Variants in CNKSR3 observed in about 807,000 individuals in gnomAD.
The protein encoded by CNKSR3 is connector enhancer of kinase suppressor of ras 3.
A neutral mutation model predicts 67.7 loss-of-function variants in CNKSR3; 36 were observed. The ratio of observed to expected loss-of-function variants is 0.53; its 90% CI spans 0.41 to 0.70. The LOEUF (loss-of-function observed/expected upper bound fraction) is 0.70, where lower values mean the gene tolerates loss of function less well. Ranked by LOEUF, CNKSR3 falls within the 30% of genes least tolerant of loss-of-function variation. The pLI is 0.00. For synonymous variants in CNKSR3, 281 were observed against 271.4 expected (o/e 1.04, Z -0.35); for missense variants, 630 against 695.2 (o/e 0.91, Z 1.05).
chr6:154,458,040 T>C lies in CNKSR3; in HGVS notation c.53-7782A>G, dbSNP rs1483403012. Among the ~76,000 whole-genome samples, 4 of 152,348 alleles carry C rather than the reference T, an allele frequency of 2.6e-5. No individual in the cohort carries two copies. The South Asian group carries it at 8.3e-4, about 32-fold the overall frequency. Reference sequence around the variant, plus strand: ...CCTGTTTCTGCAAACAAAGTCTGAATGGAACACGGCCATGACTCCTTGGTT... The same window carrying C: ...CCTGTTTCTGCAAACAAAGTCTGAACGGAACACGGCCATGACTCCTTGGTT... On this transcript the variant is annotated intron_variant, in intron 1 of 12. Transcript: ENST00000607772.
chr6:154,462,755 T>C (rs987928176), intron 1 of CNKSR3, among the ~76,000 whole-genome samples: 4 of 152,214 alleles, frequency 2.6e-5, no homozygotes, highest in Admixed American at 6.5e-5. Flanking sequence ...CCACGGTATA[T>C]GAAGGAGCCC....
rs901041677 is a variant in CNKSR3, at chr6:154,414,501, C to T, written c.946-78G>A. 7 of 1,471,464 alleles carry T rather than the reference C, an allele frequency of 4.8e-6. No individual in the cohort carries two copies. The East Asian group carries it at 1.6e-4, about 34-fold the overall frequency. The allele number at this position is 1,471,464 out of a possible 1,614,324, so 91.2% of individuals were successfully genotyped here. A position where few individuals can be genotyped will look rare whatever the true frequency, so the allele number is the denominator to read the frequency against. On this transcript the variant is annotated intron_variant, in intron 9 of 12. Coordinates refer to ENST00000607772, the MANE Select transcript of CNKSR3 (RefSeq NM_173515.4). ...ATTCTTGGTGTTTATTTCCCCTCCC[C>T]CAAACCAACACCAACCCCGTGTCTG...
At chr6:154,435,482 G>A (rs760687781) in intron 4 of CNKSR3, among the ~76,000 whole-genome samples, 24 of 152,152 alleles carry the variant, frequency 1.6e-4, no homozygotes, top group Non-Finnish European at 2.4e-4. Context: ...TGGTGACTGC[G>A]GTGGTGATGG....
intron 1 of CNKSR3, among the ~76,000 whole-genome samples, chr6:154,509,803 A>T (rs1787177352): frequency 6.6e-6 from 1 of 152,058 alleles, no homozygotes; most frequent in South Asian, 2.1e-4. Context: ...CTCAACCGCC[A>T]CAGAAAGGCC....
intron 1 of CNKSR3, among the ~76,000 whole-genome samples, chr6:154,475,531 C>T (rs1786427676): frequency 6.6e-6 from 1 of 152,196 alleles, no homozygotes; most frequent in Non-Finnish European, 1.5e-5. Flanking sequence ...GTGTTCTGGC[C>T]ACCTTATGCC....
intron 1 of CNKSR3, 134 bp from the exon 2 acceptor site, chr6:154,450,392 T>C (rs1451070298): frequency 2.3e-6 from 2 of 865,838 alleles, no homozygotes; most frequent in East Asian, 5.3e-5. Context: ...ATGTGAGGCC[T>C]ATTGCACCTG....
intron 7 of CNKSR3, among the ~76,000 whole-genome samples, chr6:154,426,543 G>A (rs959985706): frequency 6.6e-6 from 1 of 152,000 alleles, no homozygotes; most frequent in African/African-American, 2.4e-5. Flanking sequence ...TTTTAGTAGA[G>A]ACGGGGTTTC....
intron 4 of CNKSR3, among the ~76,000 whole-genome samples, chr6:154,437,419 T>TTG (rs1785494083): frequency 6.8e-6 from 1 of 147,820 alleles, no homozygotes; most frequent in Non-Finnish European, 1.5e-5. Flanking sequence ...TCTTTTTTTT[T>TTG]TTTTTTTTTT....
intron 9 of CNKSR3, chr6:154,414,743 C>T (rs80148249): frequency 3.8e-6 from 2 of 532,894 alleles, no homozygotes; most frequent in South Asian, 1.4e-5. Flanking sequence ...AGGAGTGATA[C>T]TGATAATATC....
intron 4 of CNKSR3, among the ~76,000 whole-genome samples, chr6:154,439,415 C>T (rs546457747): frequency 3.3e-5 from 5 of 151,970 alleles, no homozygotes; most frequent in Non-Finnish European, 7.4e-5. Flanking sequence ...CATGACCCCC[C>T]CTGCCTTCAC....
intron 4 of CNKSR3, 55 bp from the exon 5 acceptor site, chr6:154,433,562 GAACTGTTGGC>G: frequency 7.4e-7 from 1 of 1,346,904 alleles, no homozygotes; most frequent in Non-Finnish European, 1.0e-6. Context: ...AAAACGTTCA[GAACTGTTGGC>G]CTAGCTTTCT....
intron 4 of CNKSR3, chr6:154,433,722 C>T: frequency 2.2e-6 from 1 of 461,636 alleles, no homozygotes; most frequent in Middle Eastern, 3.2e-4. Context: ...CTCCCCTGAC[C>T]TAAGGAGTTC....
At chr6:154,415,097 C>CAAAAAAAAA (rs1157415390) in intron 9 of CNKSR3, among the ~76,000 whole-genome samples, 2 of 33,238 alleles carry the variant, frequency 6.0e-5, no homozygotes, top group South Asian at 1.8e-3. Flanking sequence ...GACTCTGTCT[C>CAAAAAAAAA]AAAAAAAAAA....
intron 1 of CNKSR3, among the ~76,000 whole-genome samples, chr6:154,457,708 G>T (rs1416153136): frequency 6.6e-6 from 1 of 152,116 alleles, no homozygotes; most frequent in Non-Finnish European, 1.5e-5. Flanking sequence ...GTCTTGCCCG[G>T]ATTTCTGCAA....
At chr6:154,470,770 T>C (rs1786312410) in intron 1 of CNKSR3, among the ~76,000 whole-genome samples, 2 of 152,326 alleles carry the variant, frequency 1.3e-5, no homozygotes, top group East Asian at 1.9e-4. Context: ...TTTAGGTGAA[T>C]GTACGTTCTC....
chr6:154,479,204 A>G, intron 1 of CNKSR3, among the ~76,000 whole-genome samples: 1 of 141,886 alleles, frequency 7.0e-6, no homozygotes, highest in African/African-American at 2.6e-5. Context: ...CCAATAAAGG[A>G]GATGGATTCA....
chr6:154,465,622 A>G (rs1786181446), intron 1 of CNKSR3, among the ~76,000 whole-genome samples: 1 of 152,292 alleles, frequency 6.6e-6, no homozygotes, highest in East Asian at 1.9e-4. Context: ...CCAACACAGA[A>G]ACGTTCACAG....
At chr6:154,471,814 C>T (rs1786336322) in intron 1 of CNKSR3, among the ~76,000 whole-genome samples, 1 of 152,122 alleles carries the variant, frequency 6.6e-6, no homozygotes, top group Non-Finnish European at 1.5e-5. Flanking sequence ...TTGAGAGACC[C>T]TGCCATAACG....
intron 7 of CNKSR3, among the ~76,000 whole-genome samples, chr6:154,424,557 T>C (rs1428224940): frequency 1.3e-5 from 2 of 152,150 alleles, no homozygotes; most frequent in African/African-American, 4.8e-5. Context: ...CTGGCTGAAG[T>C]TTCTCTAAAT....
Sources: gnomAD v4.1 joint callset for allele counts (sites outside exome capture counted in the v4.1 genomes callset) on GRCh38, gnomAD v4.1.1 for gene constraint, MANE v1.5 for transcripts, NCBI Gene and HGNC (gene_info 2026-07-23, HGNC 2026-07-21) for gene names.